The following ZMIZ1 variants were observed in gnomAD, a reference collection of about 807,000 sequenced individuals.
ZMIZ1 encodes the protein zinc finger MIZ domain-containing protein 1.
A neutral mutation model predicts 113.9 loss-of-function variants in ZMIZ1; 17 were observed. The ratio of observed to expected loss-of-function variants is 0.15; its 90% CI spans 0.10 to 0.22. The LOEUF (loss-of-function observed/expected upper bound fraction) is 0.22, where lower values mean the gene tolerates loss of function less well. ZMIZ1 is among the 10% of genes least tolerant of loss of function. The pLI is 1.00. For missense variants in ZMIZ1, 1,059 were observed against 1,477.8 expected, an observed-to-expected ratio of 0.72 and a Z score of 4.65; for synonymous variants, 607 against 603.1, an observed-to-expected ratio of 1.01 and a Z score of -0.09.
At chr10:79,195,660 C>T (rs1241345595) in intron 4 of ZMIZ1, among the ~76,000 whole-genome samples, 7 of 152,174 alleles carry the variant, frequency 4.6e-5, no homozygotes, top group East Asian at 1.9e-4. Context: ...CAAAGGTGGC[C>T]GGTGTGCAGG....
At chr10:79,311,268 T>C in intron 24 of ZMIZ1, 84 bp downstream of exon 24, 3 of 918,040 alleles carry the variant, frequency 3.3e-6, no homozygotes, top group Non-Finnish European at 4.3e-6. Context: ...GTGTGAGGGC[T>C]CGAGGCCCCG....
chr10:79,314,058 C>G lies in ZMIZ1; in HGVS notation c.*1309C>G. ...CTGCCCCAGACACTGCCCTTGGCTG[C>G]CAGCCTACCCTGCCTGCACTCCTCC... On this transcript the variant is annotated 3_prime_UTR_variant, in exon 25 of 25. Transcript: ENST00000334512. 1 of 456,892 alleles carries G rather than the reference C, an allele frequency of 2.2e-6. No individual in the cohort carries two copies. Among genetic ancestry groups the G allele is most frequent in the South Asian group, 1.5e-5 (1 of 64,570 alleles). The allele number at this position is 456,892 out of a possible 1,614,324, so 28.3% of individuals were successfully genotyped here. A position where few individuals can be genotyped will look rare whatever the true frequency, so the allele number is the denominator to read the frequency against.
At chr10:79,211,846 G>GGC (rs1184696563) in intron 6 of ZMIZ1, among the ~76,000 whole-genome samples, 1 of 152,254 alleles carries the variant, frequency 6.6e-6, no homozygotes, top group Non-Finnish European at 1.5e-5. Context: ...CTTAGGGAAC[G>GGC]GCGGAAGACA....
intron 7 of ZMIZ1, among the ~76,000 whole-genome samples, chr10:79,260,318 G>A (rs1252224725): frequency 6.6e-6 from 1 of 152,234 alleles, no homozygotes; most frequent in African/African-American, 2.4e-5. Flanking sequence ...TTTAAAAGCA[G>A]GTGGTGATAG....
In ZMIZ1 at chr10:79,311,042, C is replaced by T. The variant is rs1213979180; in HGVS notation, c.2954C>T (p.Pro985Leu). 1 of 1,613,600 alleles carries T rather than the reference C, an allele frequency of 6.2e-7. No homozygotes were observed. The highest frequency in any genetic ancestry group is 8.5e-7 in the Non-Finnish European group (1 of 1,180,032). Residue 985 changes from proline (P) to leucine (L), a missense_variant, in exon 24 of 25, where the codon CCT (proline) becomes CTT (leucine). Pro to Leu is a moderately conservative substitution (Grantham distance 98). Coordinates refer to ENST00000334512, the MANE Select transcript of ZMIZ1 (RefSeq NM_020338.4). ...CATCACAGTGGGGCTCCTCCTCCTC[C>T]TCCTTCCCAGCCTCCCCGGCAGCCG... ...PLHHSGAPPP[P>L]PSQPPRQPPQ... is the part of the protein sequence containing the mutation.
intron 7 of ZMIZ1, among the ~76,000 whole-genome samples, chr10:79,250,914 C>G (rs1220871921): frequency 6.6e-6 from 1 of 152,124 alleles, no homozygotes; most frequent in Admixed American, 6.5e-5. Flanking sequence ...TCCTTGGTGT[C>G]GGGATGGGTA....
intron 1 of ZMIZ1, among the ~76,000 whole-genome samples, chr10:79,112,624 G>A (rs1316924544): frequency 6.6e-6 from 1 of 152,160 alleles, no homozygotes; most frequent in Non-Finnish European, 1.5e-5. Context: ...GGGGAAGGTT[G>A]ATGGCAGAGC....
intron 3 of ZMIZ1, among the ~76,000 whole-genome samples, chr10:79,148,863 T>G (rs1291478092): frequency 2.0e-5 from 3 of 152,200 alleles, no homozygotes; most frequent in Non-Finnish European, 2.9e-5. Context: ...CTTGGCAGTT[T>G]CCAATTGAGT....
intron 2 of ZMIZ1, among the ~76,000 whole-genome samples, chr10:79,133,998 G>T (rs1313076017): frequency 1.6e-4 from 24 of 152,174 alleles, no homozygotes; most frequent in Admixed American, 1.6e-3. Context: ...TGTAAAGATG[G>T]ATGCTAATTT....
At chr10:79,076,302 C>T (rs897009434) in intron 1 of ZMIZ1, among the ~76,000 whole-genome samples, 1 of 152,192 alleles carries the variant, frequency 6.6e-6, no homozygotes, top group African/African-American at 2.4e-5. Context: ...CCCCCCTTAG[C>T]CACTCTTGAG....
intron 7 of ZMIZ1, among the ~76,000 whole-genome samples, chr10:79,223,475 G>A (rs1341978053): frequency 6.6e-6 from 1 of 152,190 alleles, no homozygotes; most frequent in East Asian, 1.9e-4. Flanking sequence ...CTCCTGCTGG[G>A]CTGTCTCCAC....
rs537065017 is a variant in ZMIZ1 at position 79,108,182 on chromosome 10, A to C, written c.-336-10733A>C. ...AGATGGTTGTATTATTAATAGTCAT[A>C]ATTAATCAGCATCCACAGAGGAGCT... On this transcript the variant is annotated intron_variant, in intron 1 of 24. Coordinates refer to ENST00000334512, the MANE Select transcript of ZMIZ1 (RefSeq NM_020338.4). 3.9e-4 allele frequency among the ~76,000 whole-genome samples: 59 copies of C among 152,240 alleles called. No homozygotes were observed. The South Asian group carries it at 0.012, about 31-fold the overall frequency.
At chr10:79,311,789 G>T (rs1054041444) in intron 24 of ZMIZ1, among the ~76,000 whole-genome samples, 15 of 152,126 alleles carry the variant, frequency 9.9e-5, no homozygotes, top group African/African-American at 3.4e-4. Context: ...GATGGTGGGG[G>T]TCACCCTGGA....
At chr10:79,100,249 C>T (rs1843313505) in intron 1 of ZMIZ1, among the ~76,000 whole-genome samples, 1 of 152,018 alleles carries the variant, frequency 6.6e-6, no homozygotes. Flanking sequence ...CAAGGAGGGC[C>T]TCCCAGAGGA....
intron 1 of ZMIZ1, among the ~76,000 whole-genome samples, chr10:79,107,940 G>A (rs1296023270): frequency 6.6e-6 from 1 of 152,144 alleles, no homozygotes; most frequent in Non-Finnish European, 1.5e-5. Context: ...ATTGTTCATC[G>A]TCTGGTAAGC....
intron 8 of ZMIZ1, chr10:79,285,708 T>A: frequency 2.5e-6 from 1 of 394,086 alleles, no homozygotes. Flanking sequence ...GAAGACATCA[T>A]GCTTGGCTCA....
intron 3 of ZMIZ1, among the ~76,000 whole-genome samples, chr10:79,159,572 T>G (rs1352239994): frequency 1.3e-5 from 2 of 152,202 alleles, no homozygotes; most frequent in Non-Finnish European, 2.9e-5. Context: ...CTGTGCGACC[T>G]CAGGAGGTTA....
intron 4 of ZMIZ1, among the ~76,000 whole-genome samples, chr10:79,169,080 C>CGTT (rs1846495051): frequency 1.3e-5 from 2 of 152,206 alleles, no homozygotes; most frequent in Non-Finnish European, 2.9e-5. Context: ...CTGTTGGAGC[C>CGTT]TAGGGGAACA....
At chr10:79,306,019 G>A in intron 21 of ZMIZ1, 81 bp from the exon 22 acceptor site, 2 of 1,553,292 alleles carry the variant, frequency 1.3e-6, no homozygotes, top group Non-Finnish European at 1.7e-6. Flanking sequence ...GGTCACCTGG[G>A]TGTCTGTCGG....
Sources: gnomAD v4.1 joint callset for allele counts (sites outside exome capture counted in the v4.1 genomes callset) on GRCh38, gnomAD v4.1.1 for gene constraint, MANE v1.5 for transcripts, NCBI Gene and HGNC (gene_info 2026-07-23, HGNC 2026-07-21) for gene names.